FAM193A: variants seen among roughly 807,000 people sequenced by gnomAD.
FAM193A encodes the protein family with sequence similarity 193 member A.
In FAM193A, 22 loss-of-function variants were observed where a neutral mutation model predicts 126.5. The observed-to-expected ratio is 0.17, with a 90% CI of 0.12 to 0.25. The LOEUF (loss-of-function observed/expected upper bound fraction) is 0.25. Among genes scored for constraint, FAM193A ranks in the 10% least tolerant of loss-of-function variants. The pLI is 1.00. For missense variants in FAM193A, 1,675 were observed against 1,672.8 expected (o/e 1.00, Z -0.02); for synonymous variants, 761 against 646.8 (o/e 1.18, Z -2.68).
chr4:2,570,800 T>C (rs1356952371), intron 1 of FAM193A, among the ~76,000 whole-genome samples: 1 of 152,124 alleles, frequency 6.6e-6, no homozygotes, highest in Admixed American at 6.5e-5. Flanking sequence ...CCTGGGAGCT[T>C]TTGTGATTTA....
chr4:2,564,954 A>G (rs910258671), intron 1 of FAM193A, among the ~76,000 whole-genome samples: 1 of 152,184 alleles, frequency 6.6e-6, no homozygotes, highest in Non-Finnish European at 1.5e-5. Context: ...ACATGCCACC[A>G]TGCCTGGTTA....
intron 13 of FAM193A, among the ~76,000 whole-genome samples, chr4:2,682,667 A>T (rs544531746): frequency 6.6e-6 from 1 of 152,198 alleles, no homozygotes; most frequent in South Asian, 2.1e-4. Flanking sequence ...AATTTTATTT[A>T]TCTTTTTTAA....
intron 7 of FAM193A, chr4:2,654,776 G>A (rs1490111498): frequency 3.8e-6 from 1 of 262,574 alleles, no homozygotes; most frequent in Non-Finnish European, 7.2e-6. Context: ...TTTATAGTTT[G>A]TAAATCTTGA....
At chr4:2,647,241 G>T (rs1251643296) in intron 7 of FAM193A, among the ~76,000 whole-genome samples, 3 of 152,124 alleles carry the variant, frequency 2.0e-5, no homozygotes, top group African/African-American at 7.2e-5. Flanking sequence ...CGCCTCCCGG[G>T]TTCAAGTGAT....
At chr4:2,690,406 T>A (rs1208546542) in intron 14 of FAM193A, among the ~76,000 whole-genome samples, 1 of 152,260 alleles carries the variant, frequency 6.6e-6, no homozygotes, top group South Asian at 2.1e-4. Flanking sequence ...TTGGCCTCTC[T>A]GAGCCTCAGT....
Position 2,552,572 on chromosome 4 carries a change from T to G in FAM193A, c.255+15402T>G, listed in dbSNP as rs202171927. Among the ~76,000 whole-genome samples the G allele has an allele frequency of 2.4e-4, 36 of 152,218 alleles. No individual in the cohort carries two copies. The East Asian group carries it at 7.0e-3, about 30-fold the overall frequency. ...CTTTTTTTTTGAGACGGAGTCTCGC[T>G]CTGTCCCCATGCTGGAGTGCAGTGA... On this transcript the variant is annotated intron_variant, in intron 1 of 20. Coordinates refer to ENST00000637812, the MANE Select transcript of FAM193A (RefSeq NM_001366318.2).
intron 1 of FAM193A, among the ~76,000 whole-genome samples, chr4:2,542,058 C>G (rs1324365455): frequency 5.3e-5 from 8 of 151,808 alleles, no homozygotes; most frequent in Non-Finnish European, 1.0e-4. Context: ...CTGCGTCACC[C>G]CAGCTGGCGT....
intron 13 of FAM193A, among the ~76,000 whole-genome samples, chr4:2,684,432 TTTTC>T (rs1301388501): frequency 5.3e-5 from 8 of 152,320 alleles, no homozygotes; most frequent in South Asian, 2.1e-4. Context: ...CTTGTTTTTT[TTTTC>T]TTTCTTTAAG....
At chr4:2,570,958 T>C (rs1327344862) in intron 1 of FAM193A, among the ~76,000 whole-genome samples, 1 of 152,156 alleles carries the variant, frequency 6.6e-6, no homozygotes, top group African/African-American at 2.4e-5. Context: ...TACCTCTGCC[T>C]GTTGTATTCA....
chr4:2,600,825 T>G (rs1741153944), intron 2 of FAM193A, among the ~76,000 whole-genome samples: 1 of 152,216 alleles, frequency 6.6e-6, no homozygotes, highest in Admixed American at 6.5e-5. Context: ...GGGCTACCCA[T>G]TCATGAATGA....
chr4:2,731,365 C>CA (rs111451399), intron 20 of FAM193A, among the ~76,000 whole-genome samples: 405 of 143,264 alleles, frequency 2.8e-3, no homozygotes, highest in African/African-American at 7.2e-3. Context: ...GACCCTGTCT[C>CA]AAAAAAAAAA....
At chr4:2,675,809 G>A (rs1470431258) in intron 13 of FAM193A, among the ~76,000 whole-genome samples, 2 of 152,068 alleles carry the variant, frequency 1.3e-5, no homozygotes, top group African/African-American at 2.4e-5. Context: ...ACTTCTCCCA[G>A]CCCTGGGCAT....
chr4:2,632,313 C>T (rs1743670254), intron 5 of FAM193A, among the ~76,000 whole-genome samples: 1 of 152,122 alleles, frequency 6.6e-6, no homozygotes, highest in South Asian at 2.1e-4. Context: ...TACCTGTAAT[C>T]CTCGCACTTT....
intron 1 of FAM193A, among the ~76,000 whole-genome samples, chr4:2,580,859 C>T (rs1372019024): frequency 3.9e-5 from 6 of 152,086 alleles, no homozygotes; most frequent in South Asian, 2.1e-4. Context: ...CTGATTTGGC[C>T]GGGCTCACGC....
intron 13 of FAM193A, among the ~76,000 whole-genome samples, chr4:2,684,815 C>G (rs961482531): frequency 1.3e-5 from 2 of 152,150 alleles, no homozygotes; most frequent in Non-Finnish European, 2.9e-5. Context: ...AGTTGGTTAC[C>G]AAAGTGTTCA....
At chr4:2,594,447 C>T (rs1311020112) in intron 1 of FAM193A, among the ~76,000 whole-genome samples, 2 of 152,204 alleles carry the variant, frequency 1.3e-5, no homozygotes, top group Non-Finnish European at 2.9e-5. Context: ...AGAACAGCGT[C>T]AGCTGGGTCC....
chr4:2,602,324 C>G (rs551507384), intron 2 of FAM193A, among the ~76,000 whole-genome samples: 2 of 149,402 alleles, frequency 1.3e-5, no homozygotes, highest in Admixed American at 6.7e-5. Flanking sequence ...TTGGCAGATG[C>G]TTGAATCTTC....
chr4:2,724,060 T>A (rs1164631325), intron 20 of FAM193A, among the ~76,000 whole-genome samples: 2 of 151,608 alleles, frequency 1.3e-5, no homozygotes, highest in Non-Finnish European at 2.9e-5. Flanking sequence ...ACTCAAAAGA[T>A]AATTGACAAA....
intron 20 of FAM193A, among the ~76,000 whole-genome samples, chr4:2,725,190 T>G (rs903389621): frequency 2.0e-5 from 3 of 152,106 alleles, no homozygotes; most frequent in Non-Finnish European, 1.5e-5. Flanking sequence ...TGTCTCTATT[T>G]TTTAATTAAA....
Sources: allele counts gnomAD v4.1 joint callset (sites outside exome capture counted in the v4.1 genomes callset), GRCh38; gene constraint gnomAD v4.1.1; transcripts MANE v1.5; gene names NCBI Gene and HGNC (gene_info 2026-07-23, HGNC 2026-07-21).